Variants in RPAP3 observed in about 807,000 individuals in gnomAD.
RPAP3 encodes RNA polymerase II-associated protein 3.
A neutral mutation model predicts 88.8 loss-of-function variants in RPAP3; 58 were observed. That is an observed-to-expected ratio of 0.65 (90% confidence interval 0.53 to 0.81). RPAP3 has a LOEUF of 0.81. Ranked by LOEUF, RPAP3 falls within the 40% of genes least tolerant of loss-of-function variation. The pLI is 0.00. For missense variants in RPAP3, 751 were observed against 764.3 expected (o/e 0.98, Z 0.20); for synonymous variants, 255 against 259.9 (o/e 0.98, Z 0.18).
intron 12 of RPAP3, among the ~76,000 whole-genome samples, chr12:47,674,835 C>T (rs1269976643): frequency 6.6e-6 from 1 of 152,086 alleles, no homozygotes; most frequent in Non-Finnish European, 1.5e-5. Flanking sequence ...AGGATATTAT[C>T]CAGGAGAACT....
chr12:47,688,045 A>C (rs73104126), intron 7 of RPAP3, 44 bp from the exon 8 acceptor site: 714 of 1,557,486 alleles, frequency 4.6e-4, no homozygotes, highest in Non-Finnish European at 5.8e-4. Context: ...AAGTAATGCA[A>C]GATGCATATA....
chr12:47,685,855 T>C (rs1427064021), intron 9 of RPAP3, among the ~76,000 whole-genome samples: 3 of 152,192 alleles, frequency 2.0e-5, no homozygotes, highest in Admixed American at 2.0e-4. Context: ...TTCTGAATAT[T>C]GGTGAGCATA....
rs1018703577 is a variant in RPAP3, at chr12:47,686,696, C to A, written c.992+84G>T. The A allele has an allele frequency of 2.2e-5, 23 of 1,061,218 alleles. No individual in the cohort carries two copies. The East Asian group carries it at 6.0e-4, about 28-fold the overall frequency. 65.7% of individuals were successfully genotyped at this position (1,061,218 alleles called of 1,614,324 possible). On this transcript the variant is annotated intron_variant, in intron 9 of 16. Transcript: ENST00000005386. ...AGCTAACCTAACACGCCATAATTGG[C>A]ATGTTAGGTAACTTATGGTAAAAAT...
intron 3 of RPAP3, chr12:47,699,376 C>A (rs1210423484): frequency 2.6e-5 from 4 of 152,164 alleles, no homozygotes; most frequent in East Asian, 1.9e-4. Flanking sequence ...GTCACACACA[C>A]AAAAAATGAA....
At chr12:47,681,948 G>A (rs1939231360) in intron 9 of RPAP3, 131 bp from the exon 10 acceptor site, 2 of 831,434 alleles carry the variant, frequency 2.4e-6, no homozygotes, top group Non-Finnish European at 3.5e-6. Flanking sequence ...TGTTTGAAGT[G>A]GAGAACTATT....
chr12:47,678,490 A>C (rs1199011671), intron 12 of RPAP3, among the ~76,000 whole-genome samples: 2 of 152,226 alleles, frequency 1.3e-5, no homozygotes, highest in African/African-American at 2.4e-5. Context: ...AAATTTTTGC[A>C]ATCTACCCTC....
intron 12 of RPAP3, among the ~76,000 whole-genome samples, chr12:47,674,049 C>T (rs965702490): frequency 1.3e-4 from 17 of 131,526 alleles, no homozygotes; most frequent in African/African-American, 4.9e-4. Flanking sequence ...TTCCCTTATA[C>T]ATCAGTAATC....
chr12:47,696,541 GC>G, intron 4 of RPAP3, 138 bp from the exon 5 acceptor site: 1 of 549,122 alleles, frequency 1.8e-6, no homozygotes, highest in African/African-American at 2.0e-5. Flanking sequence ...CACCAAGTGT[GC>G]CTGCCTCCCC....
intron 1 of RPAP3, among the ~76,000 whole-genome samples, chr12:47,704,487 G>A (rs900634319): frequency 6.6e-6 from 1 of 151,636 alleles, no homozygotes; most frequent in Non-Finnish European, 1.5e-5. Context: ...TCCTGCCTCA[G>A]CCTCCCGAGC....
chr12:47,689,719 T>C (rs4550297), intron 6 of RPAP3, among the ~76,000 whole-genome samples: 6,546 of 152,200 alleles, frequency 0.043, 464 homozygotes, highest in African/African-American at 0.14. Flanking sequence ...CCAGGAAGGA[T>C]ACCTGCTATC....
At position 47,701,622 on chromosome 12, in the gene RPAP3, AAC is replaced by A; in HGVS notation, c.154-20_154-19del. ...GGTAAATTCTAAGGAGGGAAAAAAA[AAC>A]ACAAAGTTGTGAGTATTATGCTCTG... On this transcript the variant is annotated intron_variant, in intron 2 of 16. Coordinates refer to ENST00000005386, the MANE Select transcript of RPAP3 (RefSeq NM_024604.3). 1.3e-6 allele frequency: 2 copies of A among 1,563,024 alleles called. No homozygotes were observed. Among genetic ancestry groups the A allele is most frequent in the Middle Eastern group, 3.5e-4 (2 of 5,666 alleles).
chr12:47,677,607 C>A (rs1565716161), intron 12 of RPAP3, among the ~76,000 whole-genome samples: 1 of 151,904 alleles, frequency 6.6e-6, no homozygotes, highest in African/African-American at 2.4e-5. Flanking sequence ...AACAGACAAG[C>A]AGAGAGACAA....
chr12:47,676,750 T>C (rs966364613), intron 12 of RPAP3, among the ~76,000 whole-genome samples: 7 of 152,110 alleles, frequency 4.6e-5, no homozygotes, highest in African/African-American at 1.4e-4. Flanking sequence ...CAGGCAATAA[T>C]AGCCTACCAA....
chr12:47,662,204 A>G lies in RPAP3; in HGVS notation c.*1301T>C, dbSNP rs567889176. 1 of 152,352 alleles carries G rather than the reference A, an allele frequency of 6.6e-6. No homozygotes were observed. Among genetic ancestry groups the G allele is most frequent in the Non-Finnish European group, 1.5e-5 (1 of 68,036 alleles). 9.4% of individuals were successfully genotyped at this position (152,352 alleles called of 1,614,324 possible). ...GCCTTCAGGGTTAGGATTTCAACAT[A>G]TGAATTTGTGGGGGATATAAACATT... On this transcript the variant is annotated 3_prime_UTR_variant, in exon 17 of 17. Coordinates refer to ENST00000005386, the MANE Select transcript of RPAP3 (RefSeq NM_024604.3).
intron 12 of RPAP3, 110 bp from the exon 13 acceptor site, chr12:47,670,455 T>C: frequency 1.6e-6 from 1 of 642,440 alleles, no homozygotes. Context: ...CAGTGATTAG[T>C]AAATTCAATT....
At chr12:47,670,970 T>C (rs138533982) in intron 12 of RPAP3, among the ~76,000 whole-genome samples, 2,122 of 152,236 alleles carry the variant, frequency 0.014, 53 homozygotes, top group African/African-American at 0.048. Context: ...CCTAAACACA[T>C]TGTCTCAATA....
chr12:47,700,305 G>A (rs1486135095), intron 3 of RPAP3: 1 of 152,138 alleles, frequency 6.6e-6, no homozygotes, highest in Non-Finnish European at 1.5e-5. Context: ...TGGGAGTAGA[G>A]GGGAGAAAAG....
intron 10 of RPAP3, 146 bp downstream of exon 10, chr12:47,681,550 A>C: frequency 1.2e-6 from 1 of 806,088 alleles, no homozygotes; most frequent in East Asian, 3.0e-5. Flanking sequence ...CATTCCTCCA[A>C]ATCTATTCGT....
At chr12:47,693,856 GACAA>G (rs1334426136) in intron 5 of RPAP3, among the ~76,000 whole-genome samples, 3 of 152,200 alleles carry the variant, frequency 2.0e-5, no homozygotes, top group Admixed American at 2.0e-4. Flanking sequence ...ACCAACAAGA[GACAA>G]ACAAACAAAA....
Sources: gnomAD v4.1 joint callset for allele counts (sites outside exome capture counted in the v4.1 genomes callset) on GRCh38, gnomAD v4.1.1 for gene constraint, MANE v1.5 for transcripts, NCBI Gene and HGNC (gene_info 2026-07-23, HGNC 2026-07-21) for gene names.